Variants in TANGO6 observed in about 807,000 individuals in gnomAD.
TANGO6 encodes transport and Golgi organization protein 6 homolog.
TANGO6 carries 90 observed loss-of-function variants against 114.2 expected under a neutral mutation model. That is an observed-to-expected ratio of 0.79 (90% CI 0.66 to 0.94). The LOEUF (loss-of-function observed/expected upper bound fraction) is 0.94, where lower values mean the gene tolerates loss of function less well. Ranked by LOEUF, TANGO6 falls within the 40% of genes least tolerant of loss-of-function variation. TANGO6 has a pLI of 0.00. For synonymous variants in TANGO6, 477 were observed against 509.8 expected, an observed-to-expected ratio of 0.94 and a Z score of 0.87; for missense variants, 1,274 against 1,315.3, an observed-to-expected ratio of 0.97 and a Z score of 0.49.
At chr16:69,077,390 A>C (rs963371719) in intron 17 of TANGO6, among the ~76,000 whole-genome samples, 4 of 152,092 alleles carry the variant, frequency 2.6e-5, no homozygotes, top group Non-Finnish European at 4.4e-5. Context: ...TTCAGTCGAC[A>C]TTCTTAGGAG....
chr16:68,909,104 A>G (rs1310518191), intron 10 of TANGO6, 107 bp from the exon 11 acceptor site: 11 of 977,264 alleles, frequency 1.1e-5, no homozygotes, highest in Non-Finnish European at 1.5e-5. Context: ...ACAAACACAG[A>G]CTATTTATTT....
At chr16:69,047,398 G>T (rs1157437242) in intron 17 of TANGO6, among the ~76,000 whole-genome samples, 1 of 151,968 alleles carries the variant, frequency 6.6e-6, no homozygotes. Context: ...GGGAGGCTGA[G>T]GCTGGAGAAT....
intron 12 of TANGO6, among the ~76,000 whole-genome samples, chr16:68,924,328 C>T (rs1255919172): frequency 3.9e-5 from 6 of 151,924 alleles, no homozygotes; most frequent in East Asian, 1.9e-4. Flanking sequence ...TTTGGGAGGC[C>T]GAGGCAGGAG....
At chr16:68,941,874 T>A (rs1363767473) in intron 14 of TANGO6, among the ~76,000 whole-genome samples, 2 of 152,108 alleles carry the variant, frequency 1.3e-5, no homozygotes, top group African/African-American at 4.8e-5. Flanking sequence ...TTGCAGCCAC[T>A]TGGGAGGCTG....
intron 16 of TANGO6, among the ~76,000 whole-genome samples, chr16:69,038,162 C>T (rs1959719857): frequency 6.6e-6 from 1 of 152,186 alleles, no homozygotes; most frequent in Admixed American, 6.6e-5. Context: ...GGTGCGGTGG[C>T]TCATGTCTGT....
intron 14 of TANGO6, among the ~76,000 whole-genome samples, chr16:68,942,181 A>C (rs1346565158): frequency 6.6e-6 from 1 of 152,020 alleles, no homozygotes; most frequent in African/African-American, 2.4e-5. Flanking sequence ...AATACAAGTT[A>C]GCTGGACGTG....
intron 14 of TANGO6, 87 bp downstream of exon 14, chr16:68,930,382 G>A (rs924110253): frequency 5.4e-6 from 6 of 1,110,690 alleles, no homozygotes; most frequent in Non-Finnish European, 8.0e-6. Flanking sequence ...AAGTCCTAGG[G>A]CCAGGAGACT....
chr16:69,082,743 C>CA (rs530952694), intron 17 of TANGO6, among the ~76,000 whole-genome samples: 134 of 135,528 alleles, frequency 9.9e-4, no homozygotes, highest in African/African-American at 2.1e-3. Flanking sequence ...GACTCCGTCT[C>CA]AAAAAAAAAA....
chr16:68,985,902 A>G (rs573767982), intron 15 of TANGO6, among the ~76,000 whole-genome samples: 44 of 152,164 alleles, frequency 2.9e-4, no homozygotes, highest in African/African-American at 9.9e-4. Context: ...CACCTTTGGT[A>G]TAAACTAAAT....
At chr16:69,017,401 T>C (rs1032400072) in intron 15 of TANGO6, among the ~76,000 whole-genome samples, 1 of 152,204 alleles carries the variant, frequency 6.6e-6, no homozygotes, top group African/African-American at 2.4e-5. Flanking sequence ...TTTTTAACTA[T>C]AAGCCACTAT....
At chr16:68,886,686 A>G (rs186409672) in intron 7 of TANGO6, among the ~76,000 whole-genome samples, 192 of 150,012 alleles carry the variant, frequency 1.3e-3, no homozygotes, top group Non-Finnish European at 2.3e-3. Context: ...TTTTTTGTAT[A>G]TTTTAGTAGA....
chr16:69,044,703 C>A lies in TANGO6; in HGVS notation c.3108+4282C>A, dbSNP rs573398027. On this transcript the variant is annotated intron_variant, in intron 17 of 17. Coordinates refer to ENST00000261778, the MANE Select transcript of TANGO6 (RefSeq NM_024562.2). ...TTTTTAGGCTAACCCCTGAACCAAG[C>A]AAGGTAGTTGCCTGCTTCAAAAACA... Among the ~76,000 whole-genome samples the A allele has an allele frequency of 2.0e-5, 3 of 152,200 alleles. No homozygotes were observed. The East Asian group carries it at 5.8e-4, about 29-fold the overall frequency.
intron 17 of TANGO6, among the ~76,000 whole-genome samples, chr16:69,080,010 C>T (rs1960442519): frequency 6.6e-6 from 1 of 152,242 alleles, no homozygotes; most frequent in East Asian, 1.9e-4. Context: ...CACTTGAGGC[C>T]AGGAGTTCAA....
chr16:68,900,797 C>T (rs939688708), intron 8 of TANGO6, among the ~76,000 whole-genome samples: 1 of 152,176 alleles, frequency 6.6e-6, no homozygotes, highest in African/African-American at 2.4e-5. Flanking sequence ...GACAAAATCT[C>T]TGTTTACATG....
intron 6 of TANGO6, 117 bp downstream of exon 6, chr16:68,878,397 C>G (rs1040244866): frequency 3.7e-5 from 46 of 1,248,688 alleles, no homozygotes; most frequent in South Asian, 1.2e-4. Context: ...TCCCCTCCCC[C>G]CAACTTTTTA....
At chr16:69,048,664 G>T (rs1234440601) in intron 17 of TANGO6, among the ~76,000 whole-genome samples, 1 of 152,154 alleles carries the variant, frequency 6.6e-6, no homozygotes, top group Non-Finnish European at 1.5e-5. Flanking sequence ...GGTTATTTAT[G>T]AATGGTGGGT....
At chr16:69,040,915 C>T (rs946444408) in intron 17 of TANGO6, among the ~76,000 whole-genome samples, 1 of 151,772 alleles carries the variant, frequency 6.6e-6, no homozygotes, top group Non-Finnish European at 1.5e-5. Context: ...TTCTCCCCAG[C>T]GTATGGCCAA....
At chr16:69,017,600 T>C (rs1247473239) in intron 15 of TANGO6, among the ~76,000 whole-genome samples, 1 of 151,914 alleles carries the variant, frequency 6.6e-6, no homozygotes, top group Non-Finnish European at 1.5e-5. Flanking sequence ...CCTTCCCCAG[T>C]CTCCTAAATC....
intron 16 of TANGO6, chr16:69,033,703 C>T (rs999463470): frequency 6.6e-6 from 1 of 152,266 alleles, no homozygotes; most frequent in Non-Finnish European, 1.5e-5. Flanking sequence ...CCTGGGGACC[C>T]TAAATGGAAA....
Sources: allele counts gnomAD v4.1 joint callset (sites outside exome capture counted in the v4.1 genomes callset), GRCh38; gene constraint gnomAD v4.1.1; transcripts MANE v1.5; gene names NCBI Gene and HGNC (gene_info 2026-07-23, HGNC 2026-07-21).